Variants in USP32 observed in about 807,000 individuals in gnomAD.
USP32 encodes the protein ubiquitin carboxyl-terminal hydrolase 32.
A neutral mutation model predicts 204.8 loss-of-function variants in USP32; 59 were observed. That is an observed-to-expected ratio of 0.29 (90% CI 0.23 to 0.36). The LOEUF (loss-of-function observed/expected upper bound fraction) is 0.36. USP32 is among the 10% of genes least tolerant of loss of function. USP32 has a pLI of 1.00. For missense variants in USP32, 1,160 were observed against 1,946.4 expected (o/e 0.60, Z 7.60); for synonymous variants, 517 against 678.4 (o/e 0.76, Z 3.70).
chr17:60,412,608 A>C (rs764804692), intron 1 of USP32, among the ~76,000 whole-genome samples: 6 of 151,566 alleles, frequency 4.0e-5, no homozygotes, highest in Non-Finnish European at 7.4e-5. Flanking sequence ...AGGCAAGGTG[A>C]TTTTTCTGTC....
intron 1 of USP32, among the ~76,000 whole-genome samples, chr17:60,360,757 G>A (rs1259020506): frequency 2.0e-5 from 3 of 152,162 alleles, no homozygotes; most frequent in African/African-American, 4.8e-5. Flanking sequence ...TGGTTGTTGT[G>A]CTGGGATTAA....
intron 11 of USP32, among the ~76,000 whole-genome samples, chr17:60,240,291 C>T (rs1050096048): frequency 7.9e-5 from 12 of 152,160 alleles, no homozygotes; most frequent in African/African-American, 2.9e-4. Context: ...TCACTGACTG[C>T]TATAGTTGTT....
At position 60,180,481 on chromosome 17, in the gene USP32, A is replaced by T. The variant is rs547201820; in HGVS notation, c.4641+64T>A. The T allele has an allele frequency of 2.9e-5, 44 of 1,534,260 alleles. No homozygotes were observed. In the South Asian group the frequency reaches 4.4e-4, roughly 15 times the overall value. On this transcript the variant is annotated intron_variant, in intron 33 of 33. Coordinates refer to ENST00000300896, the MANE Select transcript of USP32 (RefSeq NM_032582.4). Reference sequence around the variant, plus strand: ...TCAAGAGATAGTCCATTATTTCAACAAATGTTCCCCAGTTCTGTTGATATT... The same window carrying T: ...TCAAGAGATAGTCCATTATTTCAACTAATGTTCCCCAGTTCTGTTGATATT...
rs2084354581 is a variant in USP32, at chr17:60,190,558, C to T, written c.3642+5G>A. The T allele has an allele frequency of 6.4e-7, 1 of 1,573,708 alleles. No individual in the cohort carries two copies. The highest frequency in any genetic ancestry group is 1.2e-5 in the South Asian group (1 of 82,856). ...CACCATTTTATGGTGGCCCTAAATACTTACCCTTTCCTGGGATGTTTGATA... is the reference window on the plus strand; with the variant it reads ...CACCATTTTATGGTGGCCCTAAATATTTACCCTTTCCTGGGATGTTTGATA... On this transcript the variant is annotated splice_donor_5th_base_variant and intron_variant, in intron 29 of 33. Transcript: ENST00000300896.
chr17:60,274,036 A>T (rs1246119682), intron 5 of USP32, among the ~76,000 whole-genome samples: 1 of 151,960 alleles, frequency 6.6e-6, no homozygotes, highest in East Asian at 1.9e-4. Context: ...ATTAACAGGC[A>T]AAGCTTTAAA....
At chr17:60,406,707 G>T (rs1009648171) in intron 1 of USP32, among the ~76,000 whole-genome samples, 5 of 151,756 alleles carry the variant, frequency 3.3e-5, no homozygotes, top group African/African-American at 1.2e-4. Flanking sequence ...GTAGAGACAG[G>T]GTTTCACCAT....
chr17:60,297,209 G>C (rs566806414), intron 3 of USP32, among the ~76,000 whole-genome samples: 1 of 152,154 alleles, frequency 6.6e-6, no homozygotes, highest in Admixed American at 6.5e-5. Context: ...ACCAGCCTGG[G>C]CAACATAGCG....
chr17:60,188,976 C>T (rs534297504), intron 29 of USP32, among the ~76,000 whole-genome samples: 2 of 152,170 alleles, frequency 1.3e-5, no homozygotes, highest in Non-Finnish European at 2.9e-5. Context: ...TCACGTAGGC[C>T]GTTTCCTATA....
At chr17:60,415,358 G>C (rs2090051927) in intron 1 of USP32, among the ~76,000 whole-genome samples, 1 of 152,178 alleles carries the variant, frequency 6.6e-6, no homozygotes, top group Non-Finnish European at 1.5e-5. Flanking sequence ...TTCTTCCTCT[G>C]CCTTTTTGCT....
chr17:60,228,440 A>G (rs2145598101), intron 12 of USP32, among the ~76,000 whole-genome samples: 1 of 152,176 alleles, frequency 6.6e-6, no homozygotes, highest in East Asian at 1.9e-4. Context: ...AGCTTTTCTA[A>G]TATGGAATTC....
chr17:60,322,957 C>T (rs1471006411), intron 2 of USP32, among the ~76,000 whole-genome samples: 1 of 152,116 alleles, frequency 6.6e-6, no homozygotes, highest in Non-Finnish European at 1.5e-5. Flanking sequence ...TGAGACACAA[C>T]TTCATACCCA....
intron 1 of USP32, among the ~76,000 whole-genome samples, chr17:60,415,860 G>A (rs2090057257): frequency 6.6e-6 from 1 of 152,042 alleles, no homozygotes; most frequent in African/African-American, 2.4e-5. Context: ...GTTTTTTTGA[G>A]ATTGAGTCTC....
rs377319911 is a variant in USP32 at position 60,238,671 on chromosome 17, G to A, written c.1137-2431C>T. Reference sequence around the variant, plus strand: ...TACAAAAAAATTAGCTGGTGTAGTGGTGGGCACCTATAATCCCAGCTACTT... The same window carrying A: ...TACAAAAAAATTAGCTGGTGTAGTGATGGGCACCTATAATCCCAGCTACTT... On this transcript the variant is annotated intron_variant, in intron 11 of 33. Transcript: ENST00000300896. Among the ~76,000 whole-genome samples the A allele has an allele frequency of 1.4e-3, 215 of 152,078 alleles. 1 individual carries two copies. The highest frequency in any genetic ancestry group is 4.8e-3 in the African/African-American group (199 of 41,458).
At chr17:60,255,079 A>G in intron 10 of USP32, 96 bp downstream of exon 10, 2 of 736,706 alleles carry the variant, frequency 2.7e-6, no homozygotes, top group Non-Finnish European at 4.3e-6. Context: ...ATGGTTTTGC[A>G]GCCTAGATAC....
At chr17:60,186,541 C>T (rs910367923) in intron 29 of USP32, among the ~76,000 whole-genome samples, 4 of 152,226 alleles carry the variant, frequency 2.6e-5, no homozygotes, top group Non-Finnish European at 4.4e-5. Context: ...TATCTGTCTC[C>T]TCCCTCATGG....
At chr17:60,341,745 G>A (rs1034828241) in intron 2 of USP32, among the ~76,000 whole-genome samples, 5 of 152,082 alleles carry the variant, frequency 3.3e-5, no homozygotes, top group Non-Finnish European at 4.4e-5. Flanking sequence ...ATGGTTTTCA[G>A]CTCCATCAGG....
At chr17:60,390,111 GCAGA>G (rs1171422068) in intron 1 of USP32, among the ~76,000 whole-genome samples, 1 of 152,068 alleles carries the variant, frequency 6.6e-6, no homozygotes, top group East Asian at 1.9e-4. Context: ...AATTCAACAG[GCAGA>G]CACTGTATAA....
intron 2 of USP32, among the ~76,000 whole-genome samples, chr17:60,338,737 AC>A (rs1463427219): frequency 2.0e-5 from 3 of 152,188 alleles, no homozygotes; most frequent in African/African-American, 7.2e-5. Flanking sequence ...CTCAAAAAAA[AC>A]ATAGTGGCCT....
At chr17:60,285,183 C>T (rs2087079334) in intron 5 of USP32, among the ~76,000 whole-genome samples, 1 of 152,116 alleles carries the variant, frequency 6.6e-6, no homozygotes, top group African/African-American at 2.4e-5. Flanking sequence ...AGTGAAAGTT[C>T]AACAGAATAT....
Sources: allele counts gnomAD v4.1 joint callset (sites outside exome capture counted in the v4.1 genomes callset), GRCh38; gene constraint gnomAD v4.1.1; transcripts MANE v1.5; gene names NCBI Gene and HGNC (gene_info 2026-07-23, HGNC 2026-07-21).